Variants in EVPL observed in about 807,000 individuals in gnomAD.
The protein encoded by EVPL is envoplakin, also known as 210 kDa cornified envelope precursor protein.
A neutral mutation model predicts 129.7 loss-of-function variants in EVPL; 94 were observed. That is an observed-to-expected ratio of 0.72 (90% confidence interval 0.61 to 0.86). The LOEUF is 0.86. Ranked by LOEUF, EVPL falls within the 40% of genes least tolerant of loss-of-function variation. The pLI is 0.00. For synonymous variants in EVPL, 1,172 were observed against 1,191.1 expected (o/e 0.98, Z 0.33); for missense variants, 2,625 against 2,721.1 (o/e 0.96, Z 0.79).
chr17:76,009,971 C>T lies in EVPL; in HGVS notation c.3234G>A (p.Glu1078=), dbSNP rs775620556. Residue 1078 remains glutamate, a synonymous_variant, in exon 22 of 22, where the codon GAG becomes GAA. Coordinates refer to ENST00000301607, the MANE Select transcript of EVPL (RefSeq NM_001988.4). The surrounding 1 kb of genome is among the most constrained non-coding windows in gnomAD (Gnocchi z 5.9). ...CCAGATTCTTCTCCACCTTGACTAC[C>T]TCTTTCACCACGACCTTCTCCTTCA... The part of the protein sequence containing the change: ...VDVKEKVVVK[E]VVKVEKNLEM... The T allele has an allele frequency of 2.0e-5, 33 of 1,613,954 alleles. No individual in the cohort carries two copies. Among genetic ancestry groups the T allele is most frequent in the Non-Finnish European group, 2.8e-5 (33 of 1,180,048 alleles).
intron 18 of EVPL, among the ~76,000 whole-genome samples, chr17:76,012,677 G>A (rs2066387009): frequency 6.6e-6 from 1 of 152,056 alleles, no homozygotes; most frequent in African/African-American, 2.4e-5. Flanking sequence ...CAGGCATGCA[G>A]GGCCCACCTG....
chr17:76,007,035 G>A lies in EVPL; in HGVS notation c.*68C>T. On this transcript the variant is annotated 3_prime_UTR_variant, in exon 22 of 22. Coordinates refer to ENST00000301607, the MANE Select transcript of EVPL (RefSeq NM_001988.4). The surrounding 1 kb of genome is among the most constrained non-coding windows in gnomAD (Gnocchi z 8.8). ...CCACTGCCTGGGATGAGGCTGCTCT[G>A]AGGCAAGAGGTGTACGTATCCTACC... is the stretch of plus-strand genomic sequence containing the variant. The A allele has an allele frequency of 7.6e-7, 1 of 1,318,152 alleles. No homozygotes were observed. Among genetic ancestry groups the A allele is most frequent in the South Asian group, 2.6e-5 (1 of 39,036 alleles). The allele number at this position is 1,318,152 out of a possible 1,614,324, so 81.7% of individuals were successfully genotyped here. A position where few individuals can be genotyped will look rare whatever the true frequency, so the allele number is the denominator to read the frequency against.
In EVPL at chr17:76,023,524, G is replaced by C; in HGVS notation, c.329C>G (p.Pro110Arg). 1 of 1,613,160 alleles carries C rather than the reference G, an allele frequency of 6.2e-7. No homozygotes were observed. The highest frequency in any genetic ancestry group is 8.5e-7 in the Non-Finnish European group (1 of 1,179,742). ...DVDKARRLKH[P>R]QAEEIEKDIK... ...CTCCTTCTCAATCTCCTCAGCCTGCGGGTGCTTGAGCCGCCGGGCCTTGTC... is the reference window on the plus strand; with the variant it reads ...CTCCTTCTCAATCTCCTCAGCCTGCCGGTGCTTGAGCCGCCGGGCCTTGTC... The change falls in exon 3 of 22, where the codon CCG (proline) becomes CGG (arginine). Residue 110 changes from proline (P) to arginine (R), a missense_variant. Pro to Arg is a moderately radical substitution (Grantham distance 103). Around this residue, in one of 4 missense-constraint regions of EVPL, gnomAD observed 139 missense variants for 186.8 expected, o/e 0.74. Coordinates refer to ENST00000301607, the MANE Select transcript of EVPL (RefSeq NM_001988.4).
chr17:76,010,600 GT>G, intron 21 of EVPL, 57 bp from the exon 22 acceptor site: 2 of 1,509,294 alleles, frequency 1.3e-6, no homozygotes, highest in Non-Finnish European at 8.8e-7. Flanking sequence ...GGAGCTCCAT[GT>G]TTTTCCTGAG....
Position 76,018,550 on chromosome 17 carries a change from C to A in EVPL, c.1335G>T (p.Pro445=), listed in dbSNP as rs779731918. The change falls in exon 12 of 22, where the codon CCG becomes CCT. Residue 445 remains proline, a synonymous_variant. Transcript: ENST00000301607. ...CAGGGCCCTGCACGACCCAGGCGTG[C>A]GGGTCAGTGTTATCTACCAGCTTAT... ...ERYKLVDNTD[P]HAWVVQGPGG... 82 of 1,611,848 alleles carry A rather than the reference C, an allele frequency of 5.1e-5. 1 individual carries two copies. Among genetic ancestry groups the A allele is most frequent in the Non-Finnish European group, 6.8e-6 (8 of 1,179,622 alleles).
At chr17:76,020,984 A>G (rs1205583374) in intron 9 of EVPL, among the ~76,000 whole-genome samples, 1 of 152,184 alleles carries the variant, frequency 6.6e-6, no homozygotes, top group African/African-American at 2.4e-5. Context: ...CCCCCCTGGG[A>G]ACCGCTTCAC....
intron 9 of EVPL, among the ~76,000 whole-genome samples, chr17:76,021,018 T>C (rs1284961561): frequency 6.6e-6 from 1 of 152,186 alleles, no homozygotes. Context: ...TGCCCATGCC[T>C]TTCTTTCCCT....
intron 14 of EVPL, 62 bp from the exon 15 acceptor site, chr17:76,015,690 G>A: frequency 1.3e-6 from 2 of 1,531,040 alleles, no homozygotes; most frequent in Non-Finnish European, 1.8e-6. Flanking sequence ...CTTCTACCAG[G>A]ATACCCTAAC....
At chr17:76,014,637 G>T in intron 17 of EVPL, 61 bp from the exon 18 acceptor site, 1 of 1,568,142 alleles carries the variant, frequency 6.4e-7, no homozygotes. Context: ...AGGGGCAGGT[G>T]CACAGGGAGG....
At chr17:76,010,792 GGCTGAT>G (rs1477748860) in intron 21 of EVPL, among the ~76,000 whole-genome samples, 1 of 152,212 alleles carries the variant, frequency 6.6e-6, no homozygotes, top group Non-Finnish European at 1.5e-5. Context: ...CAGGTGCAAT[GGCTGAT>G]GCCTTTAATC....
chr17:76,027,202 C>T lies in EVPL; in HGVS notation c.-4G>A, dbSNP rs555084264. 53 of 1,602,250 alleles carry T rather than the reference C, an allele frequency of 3.3e-5. No individual in the cohort carries two copies. The highest frequency in any genetic ancestry group is 6.7e-5 in the South Asian group (6 of 90,194). ...CTTTGCTCAGCCCCTTGAACATGGT[C>T]GTAAAGGCAAGTGCTGGCTCAGGCT... On this transcript the variant is annotated 5_prime_UTR_variant, in exon 1 of 22. Coordinates refer to ENST00000301607, the MANE Select transcript of EVPL (RefSeq NM_001988.4).
chr17:76,022,136 C>T lies in EVPL; in HGVS notation c.645+53G>A, dbSNP rs570728858. 6 of 1,603,098 alleles carry T rather than the reference C, an allele frequency of 3.7e-6. No individual in the cohort carries two copies. Among genetic ancestry groups the T allele is most frequent in the South Asian group, 3.3e-5 (3 of 90,054 alleles). Reference sequence around the variant, plus strand: ...ACACTGGCCCCGGGCAGGGTCCGGGCGGCCACCCAGGCCCACCCGCAGCCT... The same window carrying T: ...ACACTGGCCCCGGGCAGGGTCCGGGTGGCCACCCAGGCCCACCCGCAGCCT... On this transcript the variant is annotated intron_variant, in intron 6 of 21. Transcript: ENST00000301607. This position sits in a 1 kb window ranked among gnomAD's most constrained non-coding sequence, Gnocchi z 5.6.
chr17:76,006,969 G>T lies in EVPL; in HGVS notation c.*134C>A. The stretch of plus-strand genomic sequence containing the variant: ...GTTAGGGGAGGGAGCCCATCACCAT[G>T]TTAGTAAAATAATAAAACAGTGGTT... On this transcript the variant is annotated 3_prime_UTR_variant, in exon 22 of 22. Coordinates refer to ENST00000301607, the MANE Select transcript of EVPL (RefSeq NM_001988.4). 1 of 1,044,824 alleles carries T rather than the reference G, an allele frequency of 9.6e-7. No homozygotes were observed. Among genetic ancestry groups the T allele is most frequent in the Non-Finnish European group, 1.2e-6 (1 of 810,124 alleles). The allele number at this position is 1,044,824 out of a possible 1,614,324, so 64.7% of individuals were successfully genotyped here. A position where few individuals can be genotyped will look rare whatever the true frequency, so the allele number is the denominator to read the frequency against.
Position 76,012,098 on chromosome 17 carries a change from G to GAAGA in EVPL, c.2374-13_2374-10dup, listed in dbSNP as rs752409322. ...ATCTCCTGCGTCAGCCTCTGCCAGG[G>GAAGA]AAGAACCCAGAGTCAGGAGGCCAGG... On this transcript the variant is annotated splice_polypyrimidine_tract_variant and intron_variant, in intron 18 of 21. Coordinates refer to ENST00000301607, the MANE Select transcript of EVPL (RefSeq NM_001988.4). 3.3e-4 allele frequency: 533 copies of GAAGA among 1,606,060 alleles called. No homozygotes were observed. The highest frequency in any genetic ancestry group is 3.3e-4 in the Non-Finnish European group (386 of 1,177,580).
At position 76,013,825 on chromosome 17, in the gene EVPL, C is replaced by A. The variant is rs895029353; in HGVS notation, c.2373+601G>T. Among the ~76,000 whole-genome samples the A allele has an allele frequency of 1.6e-4, 25 of 152,276 alleles. No individual in the cohort carries two copies. Among genetic ancestry groups the A allele is most frequent in the African/African-American group, 6.0e-4 (25 of 41,556 alleles). On this transcript the variant is annotated intron_variant, in intron 18 of 21. Transcript: ENST00000301607. This position sits in a 1 kb window ranked among gnomAD's most constrained non-coding sequence, Gnocchi z 4.3. The stretch of plus-strand genomic sequence containing the variant: ...CTTCTAAACACTGGCCTGGAAGCAT[C>A]CCCTCCCCAGCAGCTTCTGGGGGCT...
At chr17:76,021,602 C>CG (rs1555625491) in intron 8 of EVPL, 39 bp from the exon 9 acceptor site, 2 of 1,446,252 alleles carry the variant, frequency 1.4e-6, no homozygotes. Context: ...CCACGCCCCC[C>CG]CCACGTCCGC....
intron 9 of EVPL, among the ~76,000 whole-genome samples, chr17:76,019,882 C>A (rs1299289333): frequency 6.6e-6 from 1 of 152,166 alleles, no homozygotes; most frequent in Non-Finnish European, 1.5e-5. Context: ...AAACCTAAAC[C>A]AGAAAAACCT....
intron 21 of EVPL, among the ~76,000 whole-genome samples, chr17:76,010,880 G>A (rs1174865651): frequency 6.6e-6 from 1 of 152,116 alleles, no homozygotes; most frequent in Non-Finnish European, 1.5e-5. Context: ...GATCAACATA[G>A]TGAAACCCCA....
Position 76,009,172 on chromosome 17 carries a change from G to A in EVPL, c.4033C>T (p.Arg1345Trp), listed in dbSNP as rs752628575. 2.2e-5 allele frequency: 35 copies of A among 1,611,258 alleles called. No homozygotes were observed. Among genetic ancestry groups the A allele is most frequent in the Non-Finnish European group, 2.6e-5 (31 of 1,179,864 alleles). The change falls in exon 22 of 22, where the codon CGG becomes TGG. Residue 1345 changes from arginine to tryptophan, a missense_variant. Arg to Trp is a moderately radical substitution (Grantham distance 101, BLOSUM62 -3). Around this residue, in one of 4 missense-constraint regions of EVPL, gnomAD observed 1,453 missense variants for 1,511.8 expected, o/e 0.96. Coordinates refer to ENST00000301607, the MANE Select transcript of EVPL (RefSeq NM_001988.4). This position sits in a 1 kb window ranked among gnomAD's most constrained non-coding sequence, Gnocchi z 5.9. ...TCGTACACCGCGTCCTCCGCGGCCC[G>A]CCTCTTCTGGGCCGCCTCCCGCACC... ...QEVREAAQKR[R>W]AAEDAVYELQ... is the part of the protein sequence containing the mutation.
Sources: gnomAD v4.1 joint callset for allele counts (sites outside exome capture counted in the v4.1 genomes callset) on GRCh38, gnomAD v4.1.1 for gene constraint, gnomAD v4.1.1 regional missense constraint, Gnocchi (gnomAD v3.1) non-coding constraint, MANE v1.5 for transcripts, NCBI Gene and HGNC (gene_info 2026-07-23, HGNC 2026-07-21) for gene names.